INPP5F: variants seen among roughly 807,000 people sequenced by gnomAD.
The protein encoded by INPP5F is phosphatidylinositide 4-phosphatase SAC2.
In INPP5F, 97 loss-of-function variants were observed where a neutral mutation model predicts 137.2. The ratio of observed to expected loss-of-function variants is 0.71; its 90% CI spans 0.60 to 0.84. The LOEUF is 0.84. INPP5F is among the 40% of genes least tolerant of loss of function. INPP5F has a pLI of 0.00. For synonymous variants in INPP5F, 504 were observed against 476.9 expected (o/e 1.06, Z -0.74); for missense variants, 1,271 against 1,371.9 (o/e 0.93, Z 1.16).
intron 1 of INPP5F, among the ~76,000 whole-genome samples, chr10:119,727,958 A>G (rs901450400): frequency 5.3e-5 from 8 of 152,202 alleles, no homozygotes; most frequent in Non-Finnish European, 1.5e-5. Flanking sequence ...GACTATTAGA[A>G]CTGGATGGGA....
intron 1 of INPP5F, among the ~76,000 whole-genome samples, chr10:119,749,366 G>A (rs532699483): frequency 6.6e-6 from 1 of 152,230 alleles, no homozygotes; most frequent in Non-Finnish European, 1.5e-5. Flanking sequence ...GACAGGCTGC[G>A]GCTGCCATCA....
intron 6 of INPP5F, among the ~76,000 whole-genome samples, chr10:119,795,465 ACCT>A (rs1850337408): frequency 7.4e-6 from 1 of 135,734 alleles, no homozygotes. Flanking sequence ...GGTGCTCCCC[ACCT>A]CTCAGACGAT....
intron 14 of INPP5F, 85 bp downstream of exon 14, chr10:119,810,302 T>G (rs2134255658): frequency 1.4e-6 from 1 of 715,148 alleles, no homozygotes; most frequent in Middle Eastern, 2.5e-4. Flanking sequence ...ATTAACATAA[T>G]TCATATTTTG....
intron 15 of INPP5F, chr10:119,819,594 C>G: frequency 7.1e-7 from 1 of 1,415,442 alleles, no homozygotes; most frequent in Non-Finnish European, 9.6e-7. Context: ...GTATTATTCT[C>G]TATGAAGCTG....
rs1236335672 is a variant in INPP5F at position 119,806,394 on chromosome 10, G to A, written c.1354G>A (p.Gly452Arg). 3 of 1,600,278 alleles carry A rather than the reference G, an allele frequency of 1.9e-6. No homozygotes were observed. The highest frequency in any genetic ancestry group is 2.6e-6 in the Non-Finnish European group (3 of 1,172,726). The change falls in exon 12 of 20, where the codon GGG becomes AGG. Residue 452 changes from glycine to arginine, a missense_variant. Physicochemically the swap from Gly to Arg is moderately radical, Grantham distance 125 (BLOSUM62 -2). This residue lies in a region of INPP5F where 593 missense variants were observed against 712.4 expected (regional missense o/e 0.83). Transcript: ENST00000650623. ...DEAGVICKQE[G>R]IFRVNCMDCL... is the part of the protein sequence containing the mutation. ...AGCTGGGGTAATATGTAAGCAGGAA[G>A]GGATTTTTCGTGTTAATTGTATGGA...
intron 1 of INPP5F, among the ~76,000 whole-genome samples, chr10:119,734,677 A>G (rs895709881): frequency 1.3e-5 from 2 of 152,190 alleles, no homozygotes; most frequent in Admixed American, 6.5e-5. Flanking sequence ...TCAGAATCAT[A>G]GTCCAACCTT....
chr10:119,769,645 T>A (rs1022113631), intron 2 of INPP5F, among the ~76,000 whole-genome samples: 10 of 152,146 alleles, frequency 6.6e-5, no homozygotes, highest in African/African-American at 2.4e-4. Flanking sequence ...GAAGTATGAA[T>A]TCACTGTGTT....
At position 119,741,087 on chromosome 10, in the gene INPP5F, A is replaced by G. The variant is rs904367260; in HGVS notation, c.98-9989A>G. ...AGGAAACTGAAGCTGAGAGGGGTTCAGAGACTGTAGTAGAGCTAGGATTCT... is the reference window on the plus strand; with the variant it reads ...AGGAAACTGAAGCTGAGAGGGGTTCGGAGACTGTAGTAGAGCTAGGATTCT... On this transcript the variant is annotated intron_variant, in intron 1 of 19. Coordinates refer to ENST00000650623, the MANE Select transcript of INPP5F (RefSeq NM_014937.4). Among the ~76,000 whole-genome samples the G allele has an allele frequency of 2.0e-5, 3 of 152,208 alleles. No homozygotes were observed. The South Asian group carries it at 6.2e-4, about 31-fold the overall frequency.
intron 15 of INPP5F, chr10:119,816,627 C>T (rs1051091139): frequency 2.1e-4 from 32 of 152,292 alleles, no homozygotes; most frequent in African/African-American, 7.7e-4. Flanking sequence ...GCTATAGAAC[C>T]TCTGTACAGT....
intron 2 of INPP5F, among the ~76,000 whole-genome samples, chr10:119,765,783 GTA>G (rs1489873553): frequency 1.2e-3 from 147 of 125,426 alleles, no homozygotes; most frequent in African/African-American, 3.9e-3. Flanking sequence ...GTGTGTGTGT[GTA>G]TAGTGTATAT....
intron 9 of INPP5F, among the ~76,000 whole-genome samples, chr10:119,800,573 A>G (rs1407028041): frequency 6.6e-6 from 1 of 151,376 alleles, no homozygotes; most frequent in East Asian, 1.9e-4. Flanking sequence ...AAAAACAAAA[A>G]CCAAAAAAAC....
At chr10:119,816,639 C>T (rs1851291473) in intron 15 of INPP5F, 1 of 152,204 alleles carries the variant, frequency 6.6e-6, no homozygotes. Flanking sequence ...CTGTACAGTC[C>T]ATCAGCTCAG....
intron 15 of INPP5F, among the ~76,000 whole-genome samples, chr10:119,817,415 G>C (rs368950516): frequency 3.3e-5 from 5 of 152,304 alleles, no homozygotes; most frequent in East Asian, 3.9e-4. Context: ...TTTCTACAGT[G>C]GCCACGCCGT....
At chr10:119,824,247 T>C (rs1253902337) in intron 19 of INPP5F, among the ~76,000 whole-genome samples, 1 of 152,210 alleles carries the variant, frequency 6.6e-6, no homozygotes, top group Non-Finnish European at 1.5e-5. Flanking sequence ...AGTACAGATT[T>C]CACTAGGTGT....
rs1000967937 is a variant in INPP5F at position 119,828,803 on chromosome 10, T to C, written c.*1023T>C. 2.0e-5 allele frequency: 3 copies of C among 152,470 alleles called. No homozygotes were observed. The highest frequency in any genetic ancestry group is 2.9e-5 in the Non-Finnish European group (2 of 68,130). The allele number at this position is 152,470 out of a possible 1,614,324, so 9.4% of individuals were successfully genotyped here. A position where few individuals can be genotyped will look rare whatever the true frequency, so the allele number is the denominator to read the frequency against. ...TTGAGGCTGCAGTGAGCTGTGATCG[T>C]GCCACTGACCTCCAGCCTGGGGGAC... is the stretch of plus-strand genomic sequence containing the variant. On this transcript the variant is annotated 3_prime_UTR_variant, in exon 20 of 20. Coordinates refer to ENST00000650623, the MANE Select transcript of INPP5F (RefSeq NM_014937.4).
rs1851050768 is a variant in INPP5F at position 119,811,904 on chromosome 10, CTGA to C, written c.1842_1844del (p.Asp614del). On this transcript the variant is annotated inframe_deletion, in exon 15 of 20. Transcript: ENST00000650623. ...CAAAGTTACATGAAGTTACTACTGC[CTGA>C]TGATGAGAAGTTCCATGGGGGCTGG... The C allele has an allele frequency of 6.2e-7, 1 of 1,614,180 alleles. No homozygotes were observed. Among genetic ancestry groups the C allele is most frequent in the Non-Finnish European group, 8.5e-7 (1 of 1,180,034 alleles).
At chr10:119,743,370 C>G (rs1277143671) in intron 1 of INPP5F, among the ~76,000 whole-genome samples, 1 of 152,168 alleles carries the variant, frequency 6.6e-6, no homozygotes, top group African/African-American at 2.4e-5. Context: ...CTTCCTCTTC[C>G]TCATGAGTTC....
chr10:119,799,634 A>G (rs11199092), intron 9 of INPP5F, among the ~76,000 whole-genome samples: 5,357 of 152,318 alleles, frequency 0.035, 151 homozygotes, highest in Middle Eastern at 0.11. Flanking sequence ...ACATTGGTTG[A>G]AGGAGCCTAA....
chr10:119,802,761 T>G (rs1850636465), intron 9 of INPP5F, among the ~76,000 whole-genome samples: 1 of 152,228 alleles, frequency 6.6e-6, no homozygotes. Context: ...TATTTAAATT[T>G]GATACCACTC....
Sources: allele counts gnomAD v4.1 joint callset (sites outside exome capture counted in the v4.1 genomes callset), GRCh38; gene constraint gnomAD v4.1.1; regional missense constraint gnomAD v4.1.1; transcripts MANE v1.5; gene names NCBI Gene and HGNC (gene_info 2026-07-23, HGNC 2026-07-21).